Variants in PTPRQ observed in about 807,000 individuals in gnomAD.
The protein encoded by PTPRQ is phosphatidylinositol phosphatase PTPRQ.
PTPRQ carries 199 observed loss-of-function variants against 246.0 expected under a neutral mutation model. That is an observed-to-expected ratio of 0.81 (90% CI 0.72 to 0.91). The LOEUF is 0.91. Ranked by LOEUF, PTPRQ falls within the 40% of genes least tolerant of loss-of-function variation. The pLI is 0.00. For synonymous variants in PTPRQ, 869 were observed against 853.2 expected, an observed-to-expected ratio of 1.02 and a Z score of -0.32; for missense variants, 2,624 against 2,528.4, an observed-to-expected ratio of 1.04 and a Z score of -0.81.
At chr12:80,552,643 A>ATT (rs1200749136) in intron 25 of PTPRQ, among the ~76,000 whole-genome samples, 338 of 20,024 alleles carry the variant, frequency 0.017, 21 homozygotes, top group South Asian at 0.044. Context: ...AAAAAAAAAA[A>ATT]ATTATATATA....
rs1424630694 is a variant in PTPRQ, at chr12:80,632,180, C to A, written c.5687-12C>A. ...AATAATATTTAATGATCCTGTTATC[C>A]CTCTTCTCCAGGGGAAGGACTTTCA... is the stretch of plus-strand genomic sequence containing the variant. On this transcript the variant is annotated splice_polypyrimidine_tract_variant and intron_variant, in intron 33 of 44. Transcript: ENST00000644991. The A allele has an allele frequency of 6.5e-7, 1 of 1,547,886 alleles. No homozygotes were observed. Among genetic ancestry groups the A allele is most frequent in the Non-Finnish European group, 8.7e-7 (1 of 1,145,426 alleles).
chr12:80,466,491 A>C (rs1592540454), intron 6 of PTPRQ, among the ~76,000 whole-genome samples: 1 of 152,326 alleles, frequency 6.6e-6, no homozygotes, highest in South Asian at 2.1e-4. Flanking sequence ...TTCTTCACAG[A>C]ATTGGAAAAA....
At chr12:80,455,672 G>A (rs1892956194) in intron 3 of PTPRQ, among the ~76,000 whole-genome samples, 1 of 150,016 alleles carries the variant, frequency 6.7e-6, no homozygotes, top group Admixed American at 6.7e-5. Flanking sequence ...CTCACTGCAA[G>A]CTCCGCCTCC....
At chr12:80,478,168 C>T (rs1008253835) in intron 8 of PTPRQ, among the ~76,000 whole-genome samples, 13 of 147,744 alleles carry the variant, frequency 8.8e-5, no homozygotes, top group Admixed American at 2.7e-4. Context: ...TCTCCCAGCA[C>T]GCAGCTGGAG....
intron 17 of PTPRQ, 97 bp downstream of exon 17, chr12:80,510,540 T>C (rs532902623): frequency 8.2e-7 from 1 of 1,226,204 alleles, no homozygotes; most frequent in African/African-American, 1.5e-5. Context: ...GGTGCTACAT[T>C]AGGAACCTGA....
chr12:80,554,220 T>C lies in PTPRQ; in HGVS notation c.4285+4486T>C, dbSNP rs532378511. ...AGTAGCTAAAATAGTATAATTGGAA[T>C]TTTTGTAACACAGGAAATGATAAAT... On this transcript the variant is annotated intron_variant, in intron 25 of 44. Coordinates refer to ENST00000644991, the MANE Select transcript of PTPRQ (RefSeq NM_001145026.2). Among the ~76,000 whole-genome samples the C allele has an allele frequency of 3.5e-4, 53 of 152,306 alleles. 1 individual carries two copies. The highest frequency in any genetic ancestry group is 1.1e-3 in the African/African-American group (45 of 41,564).
intron 17 of PTPRQ, among the ~76,000 whole-genome samples, chr12:80,511,215 C>A (rs1895117714): frequency 6.6e-6 from 1 of 150,378 alleles, no homozygotes; most frequent in Non-Finnish European, 1.5e-5. Flanking sequence ...AAGAAGTCTC[C>A]TCTTCTTCTC....
At position 80,579,856 on chromosome 12, in the gene PTPRQ, G is replaced by A. The variant is rs917145778; in HGVS notation, c.4286-8273G>A. Among the ~76,000 whole-genome samples the A allele has an allele frequency of 1.3e-4, 19 of 151,882 alleles. 1 individual carries two copies. Among genetic ancestry groups the A allele is most frequent in the African/African-American group, 3.9e-4 (16 of 41,328 alleles). ...AGAGACAAAAATATTCTTAAACTTG[G>A]GAAGATTGGGTTGATAATTTTGTAT... On this transcript the variant is annotated intron_variant, in intron 25 of 44. Transcript: ENST00000644991.
chr12:80,632,360 A>G, intron 34 of PTPRQ, 69 bp downstream of exon 34: 3 of 1,530,592 alleles, frequency 2.0e-6, no homozygotes, highest in East Asian at 2.5e-5. Flanking sequence ...TCCAATCAGG[A>G]GACAGAAGCC....
At position 80,679,113 on chromosome 12, in the gene PTPRQ, C is replaced by T; in HGVS notation, c.*90C>T. 2 of 1,451,868 alleles carry T rather than the reference C, an allele frequency of 1.4e-6. No homozygotes were observed. Among genetic ancestry groups the T allele is most frequent in the South Asian group, 1.4e-5 (1 of 69,884 alleles). The allele number at this position is 1,451,868 out of a possible 1,614,324, so 89.9% of individuals were successfully genotyped here. A position where few individuals can be genotyped will look rare whatever the true frequency, so the allele number is the denominator to read the frequency against. Reference sequence around the variant, plus strand: ...CATTCTTCCGAATTGAAATGTGCAACCTTAAAGAAATATCTATGCTTCTCT... The same window carrying T: ...CATTCTTCCGAATTGAAATGTGCAATCTTAAAGAAATATCTATGCTTCTCT... On this transcript the variant is annotated 3_prime_UTR_variant, in exon 45 of 45. Transcript: ENST00000644991.
intron 25 of PTPRQ, among the ~76,000 whole-genome samples, chr12:80,563,215 T>G (rs1189805935): frequency 6.6e-6 from 1 of 152,150 alleles, no homozygotes; most frequent in Non-Finnish European, 1.5e-5. Context: ...AGCTGGAAAG[T>G]CCAACATCAG....
At chr12:80,518,091 T>C (rs990143617) in intron 17 of PTPRQ, among the ~76,000 whole-genome samples, 3 of 152,154 alleles carry the variant, frequency 2.0e-5, no homozygotes, top group African/African-American at 7.2e-5. Flanking sequence ...CTAATTTGTA[T>C]TCCCACCAAC....
chr12:80,544,703 G>T (rs925174247), intron 23 of PTPRQ, among the ~76,000 whole-genome samples: 1 of 150,848 alleles, frequency 6.6e-6, no homozygotes, highest in South Asian at 2.1e-4. Context: ...TTTCTATTTC[G>T]CTTTCTCTCC....
chr12:80,606,429 A>G lies in PTPRQ; in HGVS notation c.4731+1249A>G, dbSNP rs138980323. 1.6e-3 allele frequency among the ~76,000 whole-genome samples: 239 copies of G among 151,100 alleles called. 2 individuals carry two copies. Among genetic ancestry groups the G allele is most frequent in the African/African-American group, 5.5e-3 (227 of 41,420 alleles). ...GGAGTAGATAGCCATTTGGATGGAA[A>G]TCCAGGTATGAAAGTCAAACCCTTC... On this transcript the variant is annotated intron_variant, in intron 27 of 44. Transcript: ENST00000644991.
intron 5 of PTPRQ, 87 bp downstream of exon 5, chr12:80,459,570 T>C (rs1893085452): frequency 2.5e-6 from 1 of 396,968 alleles, no homozygotes; most frequent in Non-Finnish European, 4.4e-6. Flanking sequence ...ACTATATTTT[T>C]ACCAAAGTTT....
At chr12:80,633,487 A>C (rs1252237813) in intron 34 of PTPRQ, among the ~76,000 whole-genome samples, 1 of 152,230 alleles carries the variant, frequency 6.6e-6, no homozygotes, top group Non-Finnish European at 1.5e-5. Context: ...CTAGCTTCTT[A>C]AGGCAGATTG....
chr12:80,497,423 G>A (rs1354223701), intron 14 of PTPRQ, among the ~76,000 whole-genome samples: 1 of 152,066 alleles, frequency 6.6e-6, no homozygotes, highest in East Asian at 1.9e-4. Context: ...AGCTCAGGCA[G>A]TAATTCAGGC....
Position 80,605,069 on chromosome 12 carries a change from T to C in PTPRQ, c.4620T>C (p.Gly1540=), listed in dbSNP as rs1898265724. Residue 1540 remains glycine (G), a synonymous_variant, in exon 27 of 45, where the codon GGT becomes GGC. Transcript: ENST00000644991. The part of the protein sequence containing the change: ...STKTLPGPPD[G]PPENVHVVAT... ...TTTCTATTGTCATAGCTCCAGATGG[T>C]CCTCCTGAAAATGTTCATGTAGTAG... The C allele has an allele frequency of 6.5e-7, 1 of 1,541,564 alleles. No homozygotes were observed. Among genetic ancestry groups the C allele is most frequent in the East Asian group, 2.5e-5 (1 of 40,540 alleles).
chr12:80,467,450 G>A (rs1893466299), intron 6 of PTPRQ, among the ~76,000 whole-genome samples: 3 of 151,888 alleles, frequency 2.0e-5, no homozygotes, highest in South Asian at 2.1e-4. Context: ...TCAGTGTGGC[G>A]ATTCCTCAGG....
Sources: allele counts gnomAD v4.1 joint callset (sites outside exome capture counted in the v4.1 genomes callset), GRCh38; gene constraint gnomAD v4.1.1; transcripts MANE v1.5; gene names NCBI Gene and HGNC (gene_info 2026-07-23, HGNC 2026-07-21).